Variants in MEGF10 observed in about 807,000 individuals in gnomAD.
MEGF10 encodes the protein multiple EGF like domains 10, also known as multiple epidermal growth factor-like domains protein 10.
In MEGF10, 86 loss-of-function variants were observed where a neutral mutation model predicts 147.5. The observed-to-expected ratio is 0.58, with a 90% CI of 0.49 to 0.70. The LOEUF (loss-of-function observed/expected upper bound fraction) is 0.70, where lower values mean the gene tolerates loss of function less well. Ranked by LOEUF, MEGF10 falls within the 30% of genes least tolerant of loss-of-function variation. MEGF10 has a pLI of 0.00. For missense variants in MEGF10, 1,329 were observed against 1,487.3 expected (o/e 0.89, Z 1.75); for synonymous variants, 478 against 525.5 (o/e 0.91, Z 1.24).
At chr5:127,238,663 T>G in the MEGF10 span, among the ~76,000 whole-genome samples, 415 of 152,284 alleles carry the variant, frequency 2.7e-3, 2 homozygotes, top group Non-Finnish European at 2.4e-3. Flanking sequence ...ACTTCACTTC[T>G]TCTCCAGATT....
chr5:127,276,803 T>C, the MEGF10 span, among the ~76,000 whole-genome samples: 2 of 152,032 alleles, frequency 1.3e-5, no homozygotes, highest in African/African-American at 4.8e-5. Context: ...GTAAATTATA[T>C]AGGATAGTAG....
chr5:127,331,357 T>C lies in MEGF10; in HGVS notation c.49T>C (p.Cys17Arg), dbSNP rs755521147. Residue 17 changes from cysteine (C) to arginine (R), a missense_variant, in exon 2 of 25, where the codon TGC (cysteine) becomes CGC (arginine). Coordinates refer to ENST00000503335, the MANE Select transcript of MEGF10 (RefSeq NM_001256545.2). The part of the protein sequence containing the change: ...SCLSFICLLL[C>R]HWIGTASPLN... ...CCTGAGCTTTATTTGTTTATTGTTA[T>C]GCCACTGGATTGGGACAGCATCACC... The C allele has an allele frequency of 6.2e-7, 1 of 1,613,512 alleles. No homozygotes were observed.
At position 127,440,807 on chromosome 5, in the gene MEGF10, GACC is replaced by G. The variant is rs775084238; in HGVS notation, c.2305_2307del (p.His769del). On this transcript the variant is annotated inframe_deletion, in exon 18 of 25. Coordinates refer to ENST00000503335, the MANE Select transcript of MEGF10 (RefSeq NM_001256545.2). ...CCAATGTCAAAACGGAGCTGACTGCGACCACATTTCTGGGCAGTGTACTTGCCG... is the reference window on the plus strand; with the variant it reads ...CCAATGTCAAAACGGAGCTGACTGCGACATTTCTGGGCAGTGTACTTGCCG... The G allele has an allele frequency of 6.2e-7, 1 of 1,614,112 alleles. No homozygotes were observed. The highest frequency in any genetic ancestry group is 1.1e-5 in the South Asian group (1 of 91,064).
chr5:127,433,592 A>C, intron 14 of MEGF10, 83 bp downstream of exon 14: 2 of 1,485,574 alleles, frequency 1.3e-6, no homozygotes, highest in Admixed American at 2.1e-5. Context: ...CCCACCTCTC[A>C]GTTTATAGTG....
intron 5 of MEGF10, among the ~76,000 whole-genome samples, chr5:127,388,608 C>A (rs1055379458): frequency 1.7e-4 from 26 of 151,598 alleles, no homozygotes; most frequent in Admixed American, 1.5e-3. Flanking sequence ...TGCAGTGGCG[C>A]GATCTCAGCT....
intron 9 of MEGF10, among the ~76,000 whole-genome samples, chr5:127,415,026 C>A (rs1318795048): frequency 6.6e-6 from 1 of 151,732 alleles, no homozygotes; most frequent in Non-Finnish European, 1.5e-5. Flanking sequence ...AGTAAGGAAA[C>A]TGCATCCTAA....
At chr5:127,248,912 A>T in the MEGF10 span, among the ~76,000 whole-genome samples, 1 of 150,858 alleles carries the variant, frequency 6.6e-6, no homozygotes, top group Non-Finnish European at 1.5e-5. Flanking sequence ...AAAAAAAAAA[A>T]TTTAAATTAA....
chr5:127,400,085 G>A (rs925385294), intron 7 of MEGF10, among the ~76,000 whole-genome samples: 1 of 152,214 alleles, frequency 6.6e-6, no homozygotes. Flanking sequence ...GAACAAAGGA[G>A]ACCTGGAGTC....
At chr5:127,341,317 A>G (rs992919486) in intron 4 of MEGF10, among the ~76,000 whole-genome samples, 2 of 152,144 alleles carry the variant, frequency 1.3e-5, no homozygotes, top group African/African-American at 4.8e-5. Context: ...AGACTATTTT[A>G]TTTGAGTATT....
At chr5:127,241,009 T>C in the MEGF10 span, among the ~76,000 whole-genome samples, 1 of 152,196 alleles carries the variant, frequency 6.6e-6, no homozygotes. Context: ...TCTCTCCTTG[T>C]TTTTATATAT....
chr5:127,363,464 C>A (rs1362150607), intron 4 of MEGF10, among the ~76,000 whole-genome samples: 1 of 152,168 alleles, frequency 6.6e-6, no homozygotes, highest in African/African-American at 2.4e-5. Context: ...CATGTCTTCA[C>A]ACCGGGCAGC....
At chr5:127,386,007 C>T (rs570816616) in intron 5 of MEGF10, among the ~76,000 whole-genome samples, 91 of 152,278 alleles carry the variant, frequency 6.0e-4, no homozygotes, top group Non-Finnish European at 1.0e-3. Context: ...ACTCTAGAGG[C>T]TGAGGTGGGA....
intron 1 of MEGF10, among the ~76,000 whole-genome samples, chr5:127,329,101 C>T (rs1487447368): frequency 2.0e-5 from 3 of 152,078 alleles, no homozygotes; most frequent in Non-Finnish European, 4.4e-5. Flanking sequence ...TTATTATTAT[C>T]ATCATCATTT....
At chr5:127,312,219 A>G (rs1272318487) in intron 1 of MEGF10, among the ~76,000 whole-genome samples, 1 of 152,142 alleles carries the variant, frequency 6.6e-6, no homozygotes, top group Non-Finnish European at 1.5e-5. Flanking sequence ...TCCCACTTCT[A>G]TCTTAACTGG....
intron 8 of MEGF10, among the ~76,000 whole-genome samples, chr5:127,407,604 C>T (rs989744883): frequency 1.3e-5 from 2 of 152,120 alleles, no homozygotes; most frequent in African/African-American, 4.8e-5. Context: ...ATTGCTATAT[C>T]TTTATTACTT....
intron 22 of MEGF10, among the ~76,000 whole-genome samples, chr5:127,452,501 C>G (rs989474751): frequency 7.2e-5 from 11 of 152,168 alleles, no homozygotes; most frequent in Admixed American, 2.0e-4. Flanking sequence ...CAAGACGACC[C>G]TCAGGATCAA....
chr5:127,365,763 T>G (rs1762631460), intron 4 of MEGF10, among the ~76,000 whole-genome samples: 1 of 152,240 alleles, frequency 6.6e-6, no homozygotes, highest in African/African-American at 2.4e-5. Context: ...CTTTAATGAT[T>G]TTCTTAAAGA....
the MEGF10 span, among the ~76,000 whole-genome samples, chr5:127,254,849 C>T: frequency 4.0e-5 from 6 of 151,290 alleles, no homozygotes; most frequent in African/African-American, 1.2e-4. Flanking sequence ...ATATTGATAT[C>T]GTAATCACCT....
the MEGF10 span, among the ~76,000 whole-genome samples, chr5:127,234,848 T>A: frequency 6.6e-6 from 1 of 152,118 alleles, no homozygotes; most frequent in Admixed American, 6.5e-5. Context: ...ATATCTTTTT[T>A]TTTTTCTTTT....
Sources: allele counts gnomAD v4.1 joint callset (sites outside exome capture counted in the v4.1 genomes callset), GRCh38; gene constraint gnomAD v4.1.1; transcripts MANE v1.5; gene names NCBI Gene and HGNC (gene_info 2026-07-23, HGNC 2026-07-21).